Variants in ZNF135 observed in about 807,000 individuals in gnomAD.
ZNF135 encodes zinc finger protein 135.
A neutral mutation model predicts 12.3 loss-of-function variants in ZNF135; 11 were observed. The observed-to-expected ratio is 0.89, with a 90% CI of 0.56 to 1.48. The LOEUF (loss-of-function observed/expected upper bound fraction) is 1.48, where lower values mean the gene tolerates loss of function less well. ZNF135 is among the 40% of genes most tolerant of loss of function. The probability of loss-of-function intolerance (pLI) is 0.00; values close to 1 mark genes in which losing one functional copy is unlikely to be tolerated. For missense variants in ZNF135, 722 were observed against 815.7 expected, an observed-to-expected ratio of 0.89 and a Z score of 1.40; for synonymous variants, 316 against 312.0, an observed-to-expected ratio of 1.01 and a Z score of -0.14.
chr19:58,067,157 C>T lies in ZNF135; in HGVS notation c.673C>T (p.His225Tyr), dbSNP rs778238406. The T allele has an allele frequency of 1.9e-6, 3 of 1,614,100 alleles. No homozygotes were observed. The African/African-American group carries it at 4.0e-5, about 22-fold the overall frequency. The change falls in exon 5 of 5, where the codon CAC (histidine) becomes TAC (tyrosine). Residue 225 changes from histidine (H) to tyrosine (Y), a missense_variant. His to Tyr is a moderately conservative substitution (Grantham distance 83). Coordinates refer to ENST00000313434, the MANE Select transcript of ZNF135 (RefSeq NM_001289401.2). Reference sequence around the variant, plus strand: ...TCAGGAATGCGGAAAGGCCTTTAGTCACAGCTCAGCACTTATCGAACACCA... The same window carrying T: ...TCAGGAATGCGGAAAGGCCTTTAGTTACAGCTCAGCACTTATCGAACACCA... ...KCQECGKAFSHSSALIEHHRT... is the reference protein window; with the variant it reads ...KCQECGKAFSYSSALIEHHRT...
chr19:58,059,935 CCTGCCCCAG>C lies in ZNF135; in HGVS notation c.-34-29_-34-21del. 1 of 1,609,134 alleles carries C rather than the reference CCTGCCCCAG, an allele frequency of 6.2e-7. No individual in the cohort carries two copies. Among genetic ancestry groups the C allele is most frequent in the Non-Finnish European group, 8.5e-7 (1 of 1,178,440 alleles). ...CTTGGGGACCTGAGCACCGCCTCTGCCTGCCCCAGCTGCTCACCTCCCCTTTCCCACAGA... is the reference window on the plus strand; with the variant it reads ...CTTGGGGACCTGAGCACCGCCTCTGCCTGCTCACCTCCCCTTTCCCACAGA... On this transcript the variant is annotated intron_variant, in intron 1 of 4. Coordinates refer to ENST00000313434, the MANE Select transcript of ZNF135 (RefSeq NM_001289401.2). This position sits in a 1 kb window ranked among gnomAD's most constrained non-coding sequence, Gnocchi z 6.5.
rs997400298 is a variant in ZNF135, at chr19:58,062,550, T to C, written c.160+844T>C. Among the ~76,000 whole-genome samples, 3 of 12,648 alleles carry C rather than the reference T, an allele frequency of 2.4e-4. No homozygotes were observed. The African/African-American group carries it at 2.5e-3, about 10-fold the overall frequency. 8.3% of individuals were successfully genotyped at this position (12,648 alleles called of 152,430 possible). On this transcript the variant is annotated intron_variant, in intron 3 of 4. Coordinates refer to ENST00000313434, the MANE Select transcript of ZNF135 (RefSeq NM_001289401.2). ...GGTGCCCACCACCACGCCTGGCTAA[T>C]TTTTTTTTTTTTTTGTATATTTAGT...
Position 58,066,785 on chromosome 19 carries a change from G to T in ZNF135, c.301G>T (p.Gly101Cys), listed in dbSNP as rs780348765. The change falls in exon 5 of 5, where the codon GGC becomes TGC. Residue 101 changes from glycine (G) to cysteine (C), a missense_variant. Transcript: ENST00000313434. ...AGTCAAACTGTCAGTTCTAAAGCAA[G>T]GCATCTCTGAAGAAATATCCAACAG... is the stretch of plus-strand genomic sequence containing the variant. The part of the protein sequence containing the change: ...PKVKLSVLKQ[G>C]ISEEISNSVI... 181 of 1,614,026 alleles carry T rather than the reference G, an allele frequency of 1.1e-4. No homozygotes were observed. The highest frequency in any genetic ancestry group is 1.5e-4 in the Non-Finnish European group (181 of 1,180,014).
chr19:58,060,180 C>T lies in ZNF135; in HGVS notation c.33+145C>T, dbSNP rs1169751329. On this transcript the variant is annotated intron_variant, in intron 2 of 4. Coordinates refer to ENST00000313434, the MANE Select transcript of ZNF135 (RefSeq NM_001289401.2). The surrounding 1 kb of genome is among the most constrained non-coding windows in gnomAD (Gnocchi z 4.9). The stretch of plus-strand genomic sequence containing the variant: ...TTGTGCCCGGCCCCTACTTGCGTGC[C>T]CGGCCCCTACTCGTGCCCGGCCTCT... 6.6e-7 allele frequency: 1 copy of T among 1,516,232 alleles called. No homozygotes were observed. The allele number at this position is 1,516,232 out of a possible 1,614,324, so 93.9% of individuals were successfully genotyped here.
chr19:58,068,705 A>G lies in ZNF135; in HGVS notation c.*244A>G. On this transcript the variant is annotated 3_prime_UTR_variant, in exon 5 of 5. Transcript: ENST00000313434. ...AACGTGGAGATAATCAACACTCAGG[A>G]CCTTCAGCCTTGAACGCCCATTAGT... The G allele has an allele frequency of 2.0e-6, 1 of 503,560 alleles. No homozygotes were observed. The highest frequency in any genetic ancestry group is 3.5e-6 in the Non-Finnish European group (1 of 284,460). The allele number at this position is 503,560 out of a possible 1,614,324, so 31.2% of individuals were successfully genotyped here.
rs1599929907 is a variant in ZNF135, at chr19:58,066,818, T to C, written c.334T>C (p.Leu112=). 6.2e-7 allele frequency: 1 copy of C among 1,614,184 alleles called. No homozygotes were observed. The highest frequency in any genetic ancestry group is 1.3e-5 in the African/African-American group (1 of 75,028). Residue 112 remains leucine, a synonymous_variant, in exon 5 of 5, where the codon TTG becomes CTG. Coordinates refer to ENST00000313434, the MANE Select transcript of ZNF135 (RefSeq NM_001289401.2). The stretch of plus-strand genomic sequence containing the variant: ...TGAAGAAATATCCAACAGTGTCATC[T>C]TGGTAGAAAGATTCCTGTGGGATGG... ...ISEEISNSVI[L]VERFLWDGLW...
At position 58,059,729 on chromosome 19, in the gene ZNF135, T is replaced by G. The variant is rs948811426; in HGVS notation, c.-34-240T>G. On this transcript the variant is annotated intron_variant, in intron 1 of 4. Transcript: ENST00000313434. This position sits in a 1 kb window ranked among gnomAD's most constrained non-coding sequence, Gnocchi z 6.5. ...CACTGTAGCGTTAAGGCTCAGAGTC[T>G]GCGCAGCAGATATGTGTCCGCACCC... is the stretch of plus-strand genomic sequence containing the variant. 1.6e-5 allele frequency: 9 copies of G among 576,506 alleles called. No individual in the cohort carries two copies. In the East Asian group the frequency reaches 2.7e-4, roughly 17 times the overall value. 35.7% of individuals were successfully genotyped at this position (576,506 alleles called of 1,614,324 possible).
rs2073964286 is a variant in ZNF135, at chr19:58,060,788, C to T, written c.33+753C>T. Among the ~76,000 whole-genome samples the T allele has an allele frequency of 6.6e-6, 1 of 151,946 alleles. No individual in the cohort carries two copies. The highest frequency in any genetic ancestry group is 6.6e-5 in the Admixed American group (1 of 15,248). On this transcript the variant is annotated intron_variant, in intron 2 of 4. Transcript: ENST00000313434. The surrounding 1 kb of genome is among the most constrained non-coding windows in gnomAD (Gnocchi z 4.9). Reference sequence around the variant, plus strand: ...TGAGCCATGATGTGCCACTGCACTCCAGCCTGAATGACAGTGGAACCCTGT... The same window carrying T: ...TGAGCCATGATGTGCCACTGCACTCTAGCCTGAATGACAGTGGAACCCTGT...
rs1273517677 is a variant in ZNF135 at position 58,068,095 on chromosome 19, C to T, written c.1611C>T (p.Leu537=). 3 of 1,613,812 alleles carry T rather than the reference C, an allele frequency of 1.9e-6. No homozygotes were observed. Among genetic ancestry groups the T allele is most frequent in the South Asian group, 2.2e-5 (2 of 91,072 alleles). The part of the protein sequence containing the change: ...CGRAFSQLAP[L]IQHQRIHTGE... ...GAGCCTTCAGCCAGCTTGCTCCCCTCATTCAGCATCAGAGGATCCACACAG... is the reference window on the plus strand; with the variant it reads ...GAGCCTTCAGCCAGCTTGCTCCCCTTATTCAGCATCAGAGGATCCACACAG... Residue 537 remains leucine (L), a synonymous_variant, in exon 5 of 5, where the codon CTC becomes CTT. Coordinates refer to ENST00000313434, the MANE Select transcript of ZNF135 (RefSeq NM_001289401.2).
At position 58,060,031 on chromosome 19, in the gene ZNF135, AC is replaced by A; in HGVS notation, c.32del (p.Pro11ArgfsTer4). On this transcript the variant is annotated frameshift_variant, in exon 2 of 5. Transcript: ENST00000313434. LOFTEE classifies it high-confidence loss of function. This position sits in a 1 kb window ranked among gnomAD's most constrained non-coding sequence, Gnocchi z 4.9. ...ACCCCTGGGGTGCGCGTCTCCACAG[AC>A]CCGGTGAGAATCTCGGCCTCCTTGC... is the stretch of plus-strand genomic sequence containing the variant. MTPGVRVSTDPEQVTFEDVV... is the reference protein window; with the variant it reads MTPGVRVSTXPEQVTFEDVV... 1 of 1,613,248 alleles carries A rather than the reference AC, an allele frequency of 6.2e-7. No individual in the cohort carries two copies. The highest frequency in any genetic ancestry group is 8.5e-7 in the Non-Finnish European group (1 of 1,179,786).
chr19:58,066,888 G>A lies in ZNF135; in HGVS notation c.404G>A (p.Trp135Ter). Residue 135 changes from tryptophan to a stop codon, truncating the protein, a stop_gained, in exon 5 of 5, where the codon TGG (tryptophan) becomes TAG (stop). Coordinates refer to ENST00000313434, the MANE Select transcript of ZNF135 (RefSeq NM_001289401.2). LOFTEE classifies it low-confidence loss of function (END_TRUNC). ...RGEDTEGHWE[W>*]SCESLESLAV... ...GAGGACACTGAGGGCCACTGGGAATGGAGTTGTGAGAGTCTAGAGAGCCTG... is the reference window on the plus strand; with the variant it reads ...GAGGACACTGAGGGCCACTGGGAATAGAGTTGTGAGAGTCTAGAGAGCCTG... 2 of 1,614,214 alleles carry A rather than the reference G, an allele frequency of 1.2e-6. No individual in the cohort carries two copies. Among genetic ancestry groups the A allele is most frequent in the Non-Finnish European group, 1.7e-6 (2 of 1,180,040 alleles).
chr19:58,063,566 G>C lies in ZNF135; in HGVS notation c.256+25G>C. 1.2e-6 allele frequency: 2 copies of C among 1,613,612 alleles called. No homozygotes were observed. The highest frequency in any genetic ancestry group is 2.2e-5 in the East Asian group (1 of 44,866). On this transcript the variant is annotated intron_variant, in intron 4 of 4. Coordinates refer to ENST00000313434, the MANE Select transcript of ZNF135 (RefSeq NM_001289401.2). The surrounding 1 kb of genome is among the most constrained non-coding windows in gnomAD (Gnocchi z 4.4). ...GGTGAGATGGGAGCCCTTCGGGGCAGAGAGAAGCCTGTCCATGCTTGCTTC... is the reference window on the plus strand; with the variant it reads ...GGTGAGATGGGAGCCCTTCGGGGCACAGAGAAGCCTGTCCATGCTTGCTTC...
Position 58,067,378 on chromosome 19 carries a change from T to G in ZNF135, c.894T>G (p.Tyr298Ter). The G allele has an allele frequency of 6.2e-7, 1 of 1,613,992 alleles. No individual in the cohort carries two copies. The highest frequency in any genetic ancestry group is 8.5e-7 in the Non-Finnish European group (1 of 1,179,938). ...HQRTHTGEKP[Y>*]ECSECGKSFS... ...GAACTCACACAGGTGAGAAGCCCTATGAATGCAGCGAATGTGGGAAATCCT... is the reference window on the plus strand; with the variant it reads ...GAACTCACACAGGTGAGAAGCCCTAGGAATGCAGCGAATGTGGGAAATCCT... The change falls in exon 5 of 5, where the codon TAT becomes TAG. Residue 298 changes from tyrosine to a stop codon, truncating the protein, a stop_gained. Transcript: ENST00000313434. LOFTEE classifies it low-confidence loss of function (END_TRUNC).
Position 58,063,550 on chromosome 19 carries a change from G to A in ZNF135, c.256+9G>A, listed in dbSNP as rs1413743476. ...CCAAGGCGTGTACCCAGGTGAGATG[G>A]GAGCCCTTCGGGGCAGAGAGAAGCC... On this transcript the variant is annotated intron_variant, in intron 4 of 4. Coordinates refer to ENST00000313434, the MANE Select transcript of ZNF135 (RefSeq NM_001289401.2). This position sits in a 1 kb window ranked among gnomAD's most constrained non-coding sequence, Gnocchi z 4.4. 1.2e-6 allele frequency: 2 copies of A among 1,613,880 alleles called. No individual in the cohort carries two copies. The highest frequency in any genetic ancestry group is 2.7e-5 in the African/African-American group (2 of 74,906).
At position 58,067,330 on chromosome 19, in the gene ZNF135, T is replaced by C. The variant is rs746413155; in HGVS notation, c.846T>C (p.Ile282=). 3.1e-6 allele frequency: 5 copies of C among 1,613,308 alleles called. No homozygotes were observed. The highest frequency in any genetic ancestry group is 4.2e-6 in the Non-Finnish European group (5 of 1,179,820). Residue 282 remains isoleucine (I), a synonymous_variant, in exon 5 of 5, where the codon ATT becomes ATC. Coordinates refer to ENST00000313434, the MANE Select transcript of ZNF135 (RefSeq NM_001289401.2). ...CTQCGRTFNQ[I]APLIQHQRTH... ...AGTGTGGGAGGACCTTCAACCAAAT[T>C]GCCCCACTGATCCAGCACCAGAGAA...
rs1185219360 is a variant in ZNF135 at position 58,065,960 on chromosome 19, G to C, written c.257-781G>C. 6.6e-6 allele frequency among the ~76,000 whole-genome samples: 1 copy of C among 152,092 alleles called. No individual in the cohort carries two copies. Among genetic ancestry groups the C allele is most frequent in the Admixed American group, 6.5e-5 (1 of 15,270 alleles). ...GCTGTGCAGAGAGGGCTGGGTACCA[G>C]GGCAAAAAGAGAGTCCTGCCATGAA... On this transcript the variant is annotated intron_variant, in intron 4 of 4. Coordinates refer to ENST00000313434, the MANE Select transcript of ZNF135 (RefSeq NM_001289401.2). This position sits in a 1 kb window ranked among gnomAD's most constrained non-coding sequence, Gnocchi z 4.0.
chr19:58,059,800 G>T lies in ZNF135; in HGVS notation c.-34-169G>T. The T allele has an allele frequency of 5.2e-6, 4 of 766,218 alleles. No homozygotes were observed. The highest frequency in any genetic ancestry group is 1.9e-5 in the South Asian group (1 of 52,284). 47.5% of individuals were successfully genotyped at this position (766,218 alleles called of 1,614,324 possible). On this transcript the variant is annotated intron_variant, in intron 1 of 4. Transcript: ENST00000313434. This position sits in a 1 kb window ranked among gnomAD's most constrained non-coding sequence, Gnocchi z 6.5. ...CAGACAGGCGGGAAAACCCTAGGCT[G>T]CCCTTCTCCGAGCGGAGGGCCGCCC...
In ZNF135 at chr19:58,060,335, A is replaced by C. The variant is rs2073954221; in HGVS notation, c.33+300A>C. The C allele has an allele frequency of 5.4e-6, 7 of 1,306,784 alleles. No homozygotes were observed. The highest frequency in any genetic ancestry group is 7.3e-5 in the East Asian group (2 of 27,544). The allele number at this position is 1,306,784 out of a possible 1,614,324, so 80.9% of individuals were successfully genotyped here. On this transcript the variant is annotated intron_variant, in intron 2 of 4. Transcript: ENST00000313434. This position sits in a 1 kb window ranked among gnomAD's most constrained non-coding sequence, Gnocchi z 4.9. ...CTCTACCTGCACACCCGGCCTCCTA[A>C]AGTCCGCGCCAAGCTCCCCAACCAC...
At position 58,059,921 on chromosome 19, in the gene ZNF135, G is replaced by C; in HGVS notation, c.-34-48G>C. ...GCGCAGTTCCCCGGCTTGGGGACCT[G>C]AGCACCGCCTCTGCCTGCCCCAGCT... is the stretch of plus-strand genomic sequence containing the variant. On this transcript the variant is annotated intron_variant, in intron 1 of 4. Coordinates refer to ENST00000313434, the MANE Select transcript of ZNF135 (RefSeq NM_001289401.2). The surrounding 1 kb of genome is among the most constrained non-coding windows in gnomAD (Gnocchi z 6.5). 6.2e-7 allele frequency: 1 copy of C among 1,603,456 alleles called. No homozygotes were observed. Among genetic ancestry groups the C allele is most frequent in the South Asian group, 1.1e-5 (1 of 90,644 alleles).
Sources: allele counts gnomAD v4.1 joint callset (sites outside exome capture counted in the v4.1 genomes callset), GRCh38; gene constraint gnomAD v4.1.1; non-coding constraint Gnocchi (gnomAD v3.1); transcripts MANE v1.5; gene names NCBI Gene and HGNC (gene_info 2026-07-23, HGNC 2026-07-21).